The following TAF1L variants were observed in gnomAD, a reference collection of about 807,000 sequenced individuals.
TAF1L encodes transcription initiation factor TFIID subunit 1-like.
A neutral mutation model predicts 128.8 loss-of-function variants in TAF1L; 30 were observed. The observed-to-expected ratio is 0.23, with a 90% CI of 0.17 to 0.32. TAF1L has a LOEUF of 0.32. TAF1L is among the 10% of genes least tolerant of loss of function. The probability of loss-of-function intolerance (pLI) is 1.00; values close to 1 mark genes in which losing one functional copy is unlikely to be tolerated. For synonymous variants in TAF1L, 764 were observed against 790.7 expected, an observed-to-expected ratio of 0.97 and a Z score of 0.57; for missense variants, 2,099 against 2,253.7, an observed-to-expected ratio of 0.93 and a Z score of 1.39.
rs765420032 is a variant in TAF1L at position 32,630,096 on chromosome 9, T to C, written c.*3A>G. Reference sequence around the variant, plus strand: ...GTCTCCCTCATGGGACATCATGCTTTCTTCATTTTCCGTGCCCATCCTTGT... The same window carrying C: ...GTCTCCCTCATGGGACATCATGCTTCCTTCATTTTCCGTGCCCATCCTTGT... On this transcript the variant is annotated 3_prime_UTR_variant, in exon 1 of 1. Transcript: ENST00000242310. The C allele has an allele frequency of 2.0e-5, 32 of 1,614,010 alleles. No individual in the cohort carries two copies. Among genetic ancestry groups the C allele is most frequent in the Non-Finnish European group, 1.7e-6 (2 of 1,180,012 alleles).
Position 32,632,144 on chromosome 9 carries a change from T to C in TAF1L, c.3436A>G (p.Lys1146Glu), listed in dbSNP as rs563515044. 6.2e-7 allele frequency: 1 copy of C among 1,614,202 alleles called. No homozygotes were observed. The highest frequency in any genetic ancestry group is 1.3e-5 in the African/African-American group (1 of 75,048). Residue 1146 changes from lysine (K) to glutamate (E), a missense_variant, in exon 1 of 1, where the codon AAG becomes GAG. By Grantham distance (56) the Lys-to-Glu change is moderately conservative (BLOSUM62 1). Around this residue, in one of 4 missense-constraint regions of TAF1L, gnomAD observed 1,213 missense variants for 1,391.4 expected, o/e 0.87. Transcript: ENST00000242310. This position sits in a 1 kb window ranked among gnomAD's most constrained non-coding sequence, Gnocchi z 4.4. ...LSREWEEQER[K>E]ELRRMLLVAG... ...ACCAGTAGCATTCGCCGTAGTTCCT[T>C]CCGCTCCTGCTCCTCCCATTCACGT...
Position 32,633,782 on chromosome 9 carries a change from G to A in TAF1L, c.1798C>T (p.Arg600Trp), listed in dbSNP as rs143756087. The part of the protein sequence containing the change: ...EYYFPKQQGL[R>W]GTFGGNIIQH... ...ATAATATTCCCTCCAAAGGTGCCCC[G>A]AAGACCCTGTTGCTTGGGGAAATAA... Residue 600 changes from arginine to tryptophan, a missense_variant, in exon 1 of 1, where the codon CGG (arginine) becomes TGG (tryptophan). By Grantham distance (101) the Arg-to-Trp change is moderately radical. This residue lies in a region of TAF1L where 1,213 missense variants were observed against 1,391.4 expected (regional missense o/e 0.87). Transcript: ENST00000242310. 2.2e-5 allele frequency: 36 copies of A among 1,614,080 alleles called. No homozygotes were observed. The highest frequency in any genetic ancestry group is 1.7e-4 in the African/African-American group (13 of 74,928).
rs1404719838 is a variant in TAF1L at position 32,632,373 on chromosome 9, T to C, written c.3207A>G (p.Gly1069=). 1.2e-6 allele frequency: 2 copies of C among 1,614,208 alleles called. No homozygotes were observed. Among genetic ancestry groups the C allele is most frequent in the Non-Finnish European group, 1.7e-6 (2 of 1,180,034 alleles). Residue 1069 remains glycine (G), a synonymous_variant, in exon 1 of 1, where the codon GGA becomes GGG. Coordinates refer to ENST00000242310, the MANE Select transcript of TAF1L (RefSeq NM_153809.2). The surrounding 1 kb of genome is among the most constrained non-coding windows in gnomAD (Gnocchi z 4.4). ...GEGPMSKFAR[G]SRFSVAEHQE... is the part of the protein sequence containing the mutation. ...GATGCTCAGCCACAGAAAACCTTGA[T>C]CCACGGGCAAATTTACTCATGGGCC... is the stretch of plus-strand genomic sequence containing the variant.
rs1323541304 is a variant in TAF1L at position 32,633,982 on chromosome 9, G to C, written c.1598C>G (p.Pro533Arg). 6.2e-7 allele frequency: 1 copy of C among 1,614,120 alleles called. No individual in the cohort carries two copies. The highest frequency in any genetic ancestry group is 2.2e-5 in the East Asian group (1 of 44,882). The change falls in exon 1 of 1, where the codon CCT becomes CGT. Residue 533 changes from proline (P) to arginine (R), a missense_variant. Physicochemically the swap from Pro to Arg is moderately radical, Grantham distance 103. Coordinates refer to ENST00000242310, the MANE Select transcript of TAF1L (RefSeq NM_153809.2). ...PNDENLILEIPDEKEEATSNS... is the reference protein window; with the variant it reads ...PNDENLILEIRDEKEEATSNS... Reference sequence around the variant, plus strand: ...AGAGGTGGCCTCTTCCTTCTCATCAGGAATTTCCAAAATGAGGTTCTCATC... The same window carrying C: ...AGAGGTGGCCTCTTCCTTCTCATCACGAATTTCCAAAATGAGGTTCTCATC...
chr9:32,633,660 T>C lies in TAF1L; in HGVS notation c.1920A>G (p.Lys640=). The change falls in exon 1 of 1, where the codon AAA becomes AAG. Residue 640 remains lysine, a synonymous_variant. Transcript: ENST00000242310. ...GAGAGAGTGCACCAAATGAGTACTTTTTCAGAGGTGGGCGATGGAACTGCC... is the reference window on the plus strand; with the variant it reads ...GAGAGAGTGCACCAAATGAGTACTTCTTCAGAGGTGGGCGATGGAACTGCC... ...KIRQFHRPPL[K]KYSFGALSQP... 6.2e-7 allele frequency: 1 copy of C among 1,614,118 alleles called. No individual in the cohort carries two copies. Among genetic ancestry groups the C allele is most frequent in the Non-Finnish European group, 8.5e-7 (1 of 1,180,018 alleles).
rs773721333 is a variant in TAF1L, at chr9:32,630,161, G to A, written c.5419C>T (p.Pro1807Ser). 11 of 1,614,026 alleles carry A rather than the reference G, an allele frequency of 6.8e-6. No homozygotes were observed. In the African/African-American group the frequency reaches 1.2e-4, roughly 18 times the overall value. ...TGCTGAAGCATGAAGGGTTGTTTGG[G>A]TCTTATTCCACCATATCCCACATCA... Reference protein sequence around the residue: ...DSDVGYGGIRPKQPFMLQHAS... With the variant: ...DSDVGYGGIRSKQPFMLQHAS... The change falls in exon 1 of 1, where the codon CCC (proline) becomes TCC (serine). Residue 1807 changes from proline to serine, a missense_variant. By Grantham distance (74) the Pro-to-Ser change is moderately conservative. Around this residue, in one of 4 missense-constraint regions of TAF1L, gnomAD observed 404 missense variants for 406.5 expected, o/e 0.99. Coordinates refer to ENST00000242310, the MANE Select transcript of TAF1L (RefSeq NM_153809.2).
Position 32,630,866 on chromosome 9 carries a change from T to C in TAF1L, c.4714A>G (p.Ile1572Val). The stretch of plus-strand genomic sequence containing the variant: ...TTGTGCTTGGAGATGTTCTTACGTA[T>C]GGTCTCTAAATCCACTGGATTGACA... ...MIVNPVDLET[I>V]RKNISKHKYQ... Residue 1572 changes from isoleucine (I) to valine (V), a missense_variant, in exon 1 of 1, where the codon ATA becomes GTA. Ile to Val is a conservative substitution (Grantham distance 29). This residue lies in a region of TAF1L where 404 missense variants were observed against 406.5 expected (regional missense o/e 0.99). Transcript: ENST00000242310. 1.2e-6 allele frequency: 2 copies of C among 1,614,216 alleles called. No individual in the cohort carries two copies. The highest frequency in any genetic ancestry group is 1.7e-6 in the Non-Finnish European group (2 of 1,180,040).
rs1464105589 is a variant in TAF1L at position 32,629,802 on chromosome 9, G to A, written c.*297C>T. 7 of 526,960 alleles carry A rather than the reference G, an allele frequency of 1.3e-5. No homozygotes were observed. In the East Asian group the frequency reaches 2.1e-4, roughly 16 times the overall value. The allele number at this position is 526,960 out of a possible 1,614,324, so 32.6% of individuals were successfully genotyped here. On this transcript the variant is annotated 3_prime_UTR_variant, in exon 1 of 1. Transcript: ENST00000242310. ...CCTCCCGAGTATCTGGGGATTACAGGCGTGCACCACCACACCTGGCTAATT... is the reference window on the plus strand; with the variant it reads ...CCTCCCGAGTATCTGGGGATTACAGACGTGCACCACCACACCTGGCTAATT...
In TAF1L at chr9:32,635,576, G is replaced by A. The variant is rs140975045; in HGVS notation, c.4C>T (p.Arg2Ter). The A allele has an allele frequency of 1.3e-6, 2 of 1,598,364 alleles. No homozygotes were observed. The highest frequency in any genetic ancestry group is 2.3e-5 in the East Asian group (1 of 43,990). M[R>*]PGCDLLLRAA... ...CTCAGCAGCAAATCGCAGCCGGGTC[G>A]CATAAACCGGAAATAAAACAACAGT... Residue 2 changes from arginine (R) to a stop codon, truncating the protein, a stop_gained, in exon 1 of 1, where the codon CGA becomes TGA. Coordinates refer to ENST00000242310, the MANE Select transcript of TAF1L (RefSeq NM_153809.2). LOFTEE classifies it high-confidence loss of function.
Position 32,633,482 on chromosome 9 carries a change from C to T in TAF1L, c.2098G>A (p.Ala700Thr), listed in dbSNP as rs769189970. 6.2e-7 allele frequency: 1 copy of T among 1,614,196 alleles called. No homozygotes were observed. Among genetic ancestry groups the T allele is most frequent in the African/African-American group, 1.3e-5 (1 of 75,038 alleles). ...GGTCCATTTTCCTCACTATATTCTG[C>T]AAGAATAAGATCTCCATCTTTGCCT... Reference protein sequence around the residue: ...LTGKDGDLILAEYSEENGPLM... With the variant: ...LTGKDGDLILTEYSEENGPLM... Residue 700 changes from alanine (A) to threonine (T), a missense_variant, in exon 1 of 1, where the codon GCA becomes ACA. Physicochemically the swap from Ala to Thr is moderately conservative, Grantham distance 58 (BLOSUM62 0). Around this residue, in one of 4 missense-constraint regions of TAF1L, gnomAD observed 1,213 missense variants for 1,391.4 expected, o/e 0.87. Coordinates refer to ENST00000242310, the MANE Select transcript of TAF1L (RefSeq NM_153809.2).
rs781264241 is a variant in TAF1L at position 32,631,862 on chromosome 9, G to A, written c.3718C>T (p.Arg1240Trp). The change falls in exon 1 of 1, where the codon CGG becomes TGG. Residue 1240 changes from arginine to tryptophan, a missense_variant. Transcript: ENST00000242310. This position sits in a 1 kb window ranked among gnomAD's most constrained non-coding sequence, Gnocchi z 4.1. Reference sequence around the variant, plus strand: ...TCTTGAATCCTCCGCCGTTCTTTCCGCATCTCTTCCCGATGTTTTTCATCA... The same window carrying A: ...TCTTGAATCCTCCGCCGTTCTTTCCACATCTCTTCCCGATGTTTTTCATCA... ...LFDEKHREEM[R>W]KERRRIQEQL... 20 of 1,614,056 alleles carry A rather than the reference G, an allele frequency of 1.2e-5. No individual in the cohort carries two copies. In the Middle Eastern group the frequency reaches 4.9e-4, roughly 40 times the overall value.
Position 32,634,182 on chromosome 9 carries a change from A to G in TAF1L, c.1398T>C (p.Ala466=). The change falls in exon 1 of 1, where the codon GCT becomes GCC. Residue 466 remains alanine, a synonymous_variant. Transcript: ENST00000242310. ...LPSIKTRNVM[A]YNVQQGFAPT... is the part of the protein sequence containing the mutation. ...GTGCAAAACCTTGCTGAACATTGTAAGCCATTACATTCCTAGTCTTAATAG... is the reference window on the plus strand; with the variant it reads ...GTGCAAAACCTTGCTGAACATTGTAGGCCATTACATTCCTAGTCTTAATAG... The G allele has an allele frequency of 6.2e-7, 1 of 1,614,172 alleles. No homozygotes were observed. The highest frequency in any genetic ancestry group is 1.1e-5 in the South Asian group (1 of 91,078).
Position 32,634,744 on chromosome 9 carries a change from C to G in TAF1L, c.836G>C (p.Arg279Pro). 6.2e-7 allele frequency: 1 copy of G among 1,614,128 alleles called. No individual in the cohort carries two copies. Among genetic ancestry groups the G allele is most frequent in the Non-Finnish European group, 8.5e-7 (1 of 1,180,024 alleles). ...KNVPSVWRSA[R>P]RKRKKHRELI... Reference sequence around the variant, plus strand: ...CTCACGATGCTTCTTCCTCTTTCTCCGAGCACTCCGCCAAACAGATGGGAC... The same window carrying G: ...CTCACGATGCTTCTTCCTCTTTCTCGGAGCACTCCGCCAAACAGATGGGAC... The change falls in exon 1 of 1, where the codon CGG (arginine) becomes CCG (proline). Residue 279 changes from arginine to proline, a missense_variant. Physicochemically the swap from Arg to Pro is moderately radical, Grantham distance 103. Transcript: ENST00000242310.
chr9:32,631,492 T>A lies in TAF1L; in HGVS notation c.4088A>T (p.Lys1363Met). The A allele has an allele frequency of 6.2e-7, 1 of 1,614,082 alleles. No homozygotes were observed. Among genetic ancestry groups the A allele is most frequent in the East Asian group, 2.2e-5 (1 of 44,872 alleles). The part of the protein sequence containing the change: ...HEVRRKSLVL[K>M]FPKQQLPPKK... ...TGGAGGAAGCTGCTGTTTAGGAAACTTGAGAACCAGAGATTTTCTGCGAAC... is the reference window on the plus strand; with the variant it reads ...TGGAGGAAGCTGCTGTTTAGGAAACATGAGAACCAGAGATTTTCTGCGAAC... The change falls in exon 1 of 1, where the codon AAG (lysine) becomes ATG (methionine). Residue 1363 changes from lysine to methionine, a missense_variant. Transcript: ENST00000242310. This position sits in a 1 kb window ranked among gnomAD's most constrained non-coding sequence, Gnocchi z 4.1.
rs1397455013 is a variant in TAF1L, at chr9:32,632,146, C to T, written c.3434G>A (p.Arg1145Gln). Reference sequence around the variant, plus strand: ...CAGTAGCATTCGCCGTAGTTCCTTCCGCTCCTGCTCCTCCCATTCACGTGA... The same window carrying T: ...CAGTAGCATTCGCCGTAGTTCCTTCTGCTCCTGCTCCTCCCATTCACGTGA... ...QLSREWEEQE[R>Q]KELRRMLLVA... The change falls in exon 1 of 1, where the codon CGG becomes CAG. Residue 1145 changes from arginine to glutamine, a missense_variant. Physicochemically the swap from Arg to Gln is conservative, Grantham distance 43. Transcript: ENST00000242310. The surrounding 1 kb of genome is among the most constrained non-coding windows in gnomAD (Gnocchi z 4.4). 1.7e-5 allele frequency: 27 copies of T among 1,614,048 alleles called. No homozygotes were observed. The highest frequency in any genetic ancestry group is 2.2e-5 in the Non-Finnish European group (26 of 1,180,048).
In TAF1L at chr9:32,635,259, T is replaced by C. The variant is rs751458505; in HGVS notation, c.321A>G (p.Val107=). ...EGWIRSTEDA[V]DYSDINEVAE... ...CCACCTCATTGATGTCTGAATAGTC[T>C]ACAGCATCTTCTGTACTCCTAATCC... Residue 107 remains valine, a synonymous_variant, in exon 1 of 1, where the codon GTA becomes GTG. Coordinates refer to ENST00000242310, the MANE Select transcript of TAF1L (RefSeq NM_153809.2). 1.2e-6 allele frequency: 2 copies of C among 1,614,058 alleles called. No individual in the cohort carries two copies. Among genetic ancestry groups the C allele is most frequent in the Non-Finnish European group, 1.7e-6 (2 of 1,180,042 alleles).
rs1001340895 is a variant in TAF1L, at chr9:32,635,660, A to G, written c.-81T>C. On this transcript the variant is annotated 5_prime_UTR_variant, in exon 1 of 1. Transcript: ENST00000242310. ...TACCAGCGTCTACCGGAAGCTGAATAAAGGCGGGGGGAGGGGGCAAAGGGG... is the reference window on the plus strand; with the variant it reads ...TACCAGCGTCTACCGGAAGCTGAATGAAGGCGGGGGGAGGGGGCAAAGGGG... 34 of 1,295,470 alleles carry G rather than the reference A, an allele frequency of 2.6e-5. No homozygotes were observed. Among genetic ancestry groups the G allele is most frequent in the East Asian group, 1.2e-4 (4 of 34,304 alleles). The allele number at this position is 1,295,470 out of a possible 1,614,324, so 80.2% of individuals were successfully genotyped here.
In TAF1L at chr9:32,630,950, A is replaced by C. The variant is rs1822509560; in HGVS notation, c.4630T>G (p.Ser1544Ala). 6.2e-7 allele frequency: 1 copy of C among 1,614,122 alleles called. No individual in the cohort carries two copies. The highest frequency in any genetic ancestry group is 8.5e-7 in the Non-Finnish European group (1 of 1,180,058). ...VTQKMMAVPD[S>A]WPFHHPVNKK... ...TTAACTGGGTGATGAAATGGCCAAG[A>C]ATCTGGAACTGCCATCATTTTCTGG... The change falls in exon 1 of 1, where the codon TCT becomes GCT. Residue 1544 changes from serine to alanine, a missense_variant. By Grantham distance (99) the Ser-to-Ala change is moderately conservative. Transcript: ENST00000242310.
In TAF1L at chr9:32,634,155, G is replaced by A. The variant is rs745478341; in HGVS notation, c.1425C>T (p.Pro475=). ...MAYNVQQGFA[P]TLDDDKPWYS... Reference sequence around the variant, plus strand: ...ACCAAGGTTTGTCATCATCCAGAGTGGGTGCAAAACCTTGCTGAACATTGT... The same window carrying A: ...ACCAAGGTTTGTCATCATCCAGAGTAGGTGCAAAACCTTGCTGAACATTGT... Residue 475 remains proline (P), a synonymous_variant, in exon 1 of 1, where the codon CCC becomes CCT. Coordinates refer to ENST00000242310, the MANE Select transcript of TAF1L (RefSeq NM_153809.2). The A allele has an allele frequency of 1.2e-6, 2 of 1,614,140 alleles. No individual in the cohort carries two copies. Among genetic ancestry groups the A allele is most frequent in the East Asian group, 2.2e-5 (1 of 44,874 alleles).
Sources: allele counts gnomAD v4.1 joint callset, GRCh38; gene constraint gnomAD v4.1.1; regional missense constraint gnomAD v4.1.1; non-coding constraint Gnocchi (gnomAD v3.1); transcripts MANE v1.5; gene names NCBI Gene and HGNC (gene_info 2026-07-23, HGNC 2026-07-21).